The following HDAC9 variants were observed in gnomAD, a reference collection of about 807,000 sequenced individuals.
HDAC9 encodes histone deacetylase 9.
A neutral mutation model predicts 139.4 loss-of-function variants in HDAC9; 41 were observed. That is an observed-to-expected ratio of 0.29 (90% CI 0.23 to 0.38). The LOEUF (loss-of-function observed/expected upper bound fraction) is 0.38. Ranked by LOEUF, HDAC9 falls within the 10% of genes least tolerant of loss-of-function variation. HDAC9 has a pLI of 1.00. For missense variants in HDAC9, 1,147 were observed against 1,297.0 expected (o/e 0.88, Z 1.78); for synonymous variants, 517 against 476.2 (o/e 1.09, Z -1.12).
At chr7:18,812,422 T>G (rs1323961037) in intron 17 of HDAC9, among the ~76,000 whole-genome samples, 1 of 152,022 alleles carries the variant, frequency 6.6e-6, no homozygotes, top group Non-Finnish European at 1.5e-5. Context: ...TTATTTTCCT[T>G]TAATCTTTGG....
At chr7:18,859,403 C>T (rs1180463460) in intron 21 of HDAC9, among the ~76,000 whole-genome samples, 1 of 152,022 alleles carries the variant, frequency 6.6e-6, no homozygotes, top group Non-Finnish European at 1.5e-5. Context: ...GAGAAGACAG[C>T]CTGACTCTGC....
chr7:18,267,967 C>T (rs567146951), intron 2 of HDAC9, among the ~76,000 whole-genome samples: 2 of 152,124 alleles, frequency 1.3e-5, no homozygotes, highest in East Asian at 3.9e-4. Flanking sequence ...ATAGTATTTC[C>T]AATTTTACTC....
intron 1 of HDAC9, among the ~76,000 whole-genome samples, chr7:18,416,683 A>G (rs1056722836): frequency 6.6e-6 from 1 of 152,138 alleles, no homozygotes; most frequent in Non-Finnish European, 1.5e-5. Context: ...CAATTGAAAA[A>G]AATTGTTTAT....
At chr7:18,211,289 T>A (rs533488393) in intron 2 of HDAC9, among the ~76,000 whole-genome samples, 1 of 152,294 alleles carries the variant, frequency 6.6e-6, no homozygotes, top group East Asian at 1.9e-4. Flanking sequence ...ACATGACAAA[T>A]CTGAGCTTAA....
chr7:18,299,242 C>T (rs920957281), intron 1 of HDAC9, among the ~76,000 whole-genome samples: 1 of 136,746 alleles, frequency 7.3e-6, no homozygotes. Context: ...TTTTTTGCAA[C>T]ACTGCATAAA....
chr7:18,794,463 T>C (rs1792607002), intron 17 of HDAC9, among the ~76,000 whole-genome samples: 1 of 152,248 alleles, frequency 6.6e-6, no homozygotes, highest in South Asian at 2.1e-4. Flanking sequence ...GTCTTTACTC[T>C]TAACTCTTTA....
chr7:18,323,382 T>C (rs1800177203), intron 1 of HDAC9, among the ~76,000 whole-genome samples: 1 of 152,166 alleles, frequency 6.6e-6, no homozygotes, highest in African/African-American at 2.4e-5. Context: ...TTTGTTTCCA[T>C]ATAGACTATT....
chr7:18,658,206 C>T (rs898698006), intron 11 of HDAC9, among the ~76,000 whole-genome samples: 1 of 152,138 alleles, frequency 6.6e-6, no homozygotes, highest in Non-Finnish European at 1.5e-5. Flanking sequence ...TTTTCTGCCT[C>T]CCCTACTGTG....
chr7:18,820,473 T>A (rs1405640741), intron 17 of HDAC9, among the ~76,000 whole-genome samples: 2 of 152,230 alleles, frequency 1.3e-5, no homozygotes, highest in African/African-American at 4.8e-5. Flanking sequence ...ATTTTATTCA[T>A]TATAAAGCAC....
chr7:18,598,745 T>G (rs568365910), intron 6 of HDAC9, among the ~76,000 whole-genome samples: 1 of 152,236 alleles, frequency 6.6e-6, no homozygotes, highest in Non-Finnish European at 1.5e-5. Context: ...TCTTCTACCT[T>G]TATTAATAGA....
chr7:18,970,814 A>AAT (rs1388676667), intron 24 of HDAC9, among the ~76,000 whole-genome samples: 2 of 151,910 alleles, frequency 1.3e-5, no homozygotes, highest in Non-Finnish European at 2.9e-5. Context: ...AAAAGGTAAA[A>AAT]AAAAGCAAAT....
upstream of HDAC9, among the ~76,000 whole-genome samples, chr7:18,287,523 G>A (rs1317263468): frequency 6.6e-6 from 1 of 152,150 alleles, no homozygotes; most frequent in African/African-American, 2.4e-5. Flanking sequence ...TTAAAAAGGA[G>A]GTTTCACATA....
chr7:18,945,179 CCTT>C (rs767251433), intron 23 of HDAC9, among the ~76,000 whole-genome samples: 23 of 152,166 alleles, frequency 1.5e-4, no homozygotes, highest in Admixed American at 1.3e-3. Context: ...AGTTCTGTAT[CCTT>C]CTAATACTCC....
chr7:18,856,503 T>A (rs1479454784), intron 21 of HDAC9, among the ~76,000 whole-genome samples: 1 of 152,134 alleles, frequency 6.6e-6, no homozygotes, highest in African/African-American at 2.4e-5. Context: ...TTTTATAAAC[T>A]ATGTAGGTAG....
In HDAC9 at chr7:18,887,402, T is replaced by C. The variant is rs566349744; in HGVS notation, c.2803+12806T>C. The stretch of plus-strand genomic sequence containing the variant: ...AAAAGGAAACAGGATTTGGAATCGG[T>C]TGATCTGCAGTTTGGGTCTAATTGG... On this transcript the variant is annotated intron_variant, in intron 22 of 25. Coordinates refer to ENST00000686413, the MANE Select transcript of HDAC9 (RefSeq NM_178425.4). Among the ~76,000 whole-genome samples, 3 of 152,296 alleles carry C rather than the reference T, an allele frequency of 2.0e-5. No homozygotes were observed. In the East Asian group the frequency reaches 5.8e-4, roughly 29 times the overall value.
chr7:18,391,759 G>C (rs1786508317), intron 1 of HDAC9, among the ~76,000 whole-genome samples: 1 of 152,182 alleles, frequency 6.6e-6, no homozygotes, highest in Non-Finnish European at 1.5e-5. Context: ...TTAGTACACA[G>C]ACAATTTTGG....
intron 1 of HDAC9, among the ~76,000 whole-genome samples, chr7:18,441,952 A>G (rs563197768): frequency 2.2e-4 from 33 of 152,060 alleles, no homozygotes; most frequent in Non-Finnish European, 4.6e-4. Flanking sequence ...TTGTATTTTT[A>G]GTAGAGACAG....
Position 18,829,184 on chromosome 7 carries a change from C to T in HDAC9, c.2346C>T (p.Pro782=), listed in dbSNP as rs781275827. The change falls in exon 18 of 26, where the codon CCC becomes CCT. Residue 782 remains proline, a synonymous_variant. Transcript: ENST00000686413. ...AGAATGGGTTTGCTGTTGTGAGGCC[C>T]CCTGGCCATCACGCTGAAGAATCCA... is the stretch of plus-strand genomic sequence containing the variant. ...ELKNGFAVVR[P]PGHHAEESTA... 2 of 1,613,374 alleles carry T rather than the reference C, an allele frequency of 1.2e-6. No individual in the cohort carries two copies. Among genetic ancestry groups the T allele is most frequent in the East Asian group, 2.2e-5 (1 of 44,868 alleles).
chr7:18,932,296 G>T (rs566458675), intron 22 of HDAC9, among the ~76,000 whole-genome samples: 1 of 152,190 alleles, frequency 6.6e-6, no homozygotes, highest in Non-Finnish European at 1.5e-5. Context: ...CCCTGAAATT[G>T]GACAGGTCGG....
Sources: allele counts gnomAD v4.1 joint callset (sites outside exome capture counted in the v4.1 genomes callset), GRCh38; gene constraint gnomAD v4.1.1; transcripts MANE v1.5; gene names NCBI Gene and HGNC (gene_info 2026-07-23, HGNC 2026-07-21).